Variants in ARHGEF7 observed in about 807,000 individuals in gnomAD.
ARHGEF7 encodes PAK-interacting exchange factor beta.
A neutral mutation model predicts 109.8 loss-of-function variants in ARHGEF7; 33 were observed. The observed-to-expected ratio is 0.30, with a 90% CI of 0.23 to 0.40. The LOEUF (loss-of-function observed/expected upper bound fraction) is 0.40. Among genes scored for constraint, ARHGEF7 ranks in the 10% least tolerant of loss-of-function variants. ARHGEF7 has a pLI of 1.00. For synonymous variants in ARHGEF7, 458 were observed against 424.6 expected (o/e 1.08, Z -0.97); for missense variants, 938 against 1,098.5 (o/e 0.85, Z 2.07).
At chr13:111,265,070 G>T (rs1282093321) in intron 8 of ARHGEF7, among the ~76,000 whole-genome samples, 1 of 143,378 alleles carries the variant, frequency 7.0e-6, no homozygotes, top group Non-Finnish European at 1.5e-5. Context: ...GTTGCAGTGA[G>T]CTGAGATGGT....
chr13:111,271,814 G>A (rs755038721), intron 9 of ARHGEF7, among the ~76,000 whole-genome samples: 1 of 152,192 alleles, frequency 6.6e-6, no homozygotes, highest in Non-Finnish European at 1.5e-5. Context: ...TTTTTTACAA[G>A]TGGATATATG....
At chr13:111,223,639 C>T (rs1407016580) in intron 5 of ARHGEF7, among the ~76,000 whole-genome samples, 1 of 152,122 alleles carries the variant, frequency 6.6e-6, no homozygotes, top group Non-Finnish European at 1.5e-5. Context: ...TGCTTTTAAC[C>T]TGTGGTGTAG....
chr13:111,191,472 G>A (rs1846822352), intron 2 of ARHGEF7, among the ~76,000 whole-genome samples: 1 of 152,178 alleles, frequency 6.6e-6, no homozygotes, highest in Non-Finnish European at 1.5e-5. Context: ...TCAGAGATGG[G>A]GAAGTTGGCT....
intron 1 of ARHGEF7, among the ~76,000 whole-genome samples, chr13:111,121,699 A>C (rs1416928798): frequency 6.6e-6 from 1 of 152,196 alleles, no homozygotes; most frequent in Admixed American, 6.5e-5. Context: ...GCATCCCCCG[A>C]ACCCACGGGT....
chr13:111,130,059 C>T (rs1838777205), intron 1 of ARHGEF7, among the ~76,000 whole-genome samples: 1 of 152,140 alleles, frequency 6.6e-6, no homozygotes, highest in Non-Finnish European at 1.5e-5. Context: ...AAGGAATATT[C>T]CATGACATGG....
intron 1 of ARHGEF7, chr13:111,153,668 T>G (rs2076041347): frequency 2.4e-6 from 3 of 1,243,578 alleles, no homozygotes; most frequent in African/African-American, 3.2e-5. Context: ...CGGGGCTCAC[T>G]TCCTGGTGCG....
At chr13:111,217,044 G>A (rs1314371274) in intron 4 of ARHGEF7, among the ~76,000 whole-genome samples, 1 of 152,234 alleles carries the variant, frequency 6.6e-6, no homozygotes, top group African/African-American at 2.4e-5. Flanking sequence ...CTGTTGCTGG[G>A]GATGTTGCTT....
intron 4 of ARHGEF7, among the ~76,000 whole-genome samples, chr13:111,214,108 C>T (rs1173292593): frequency 2.6e-5 from 4 of 152,212 alleles, no homozygotes; most frequent in Admixed American, 6.5e-5. Context: ...CCTTGGATTC[C>T]CCGCTCTCTT....
intron 1 of ARHGEF7, among the ~76,000 whole-genome samples, chr13:111,133,783 AT>A (rs1566606635): frequency 0.015 from 1,111 of 75,410 alleles, 105 homozygotes; most frequent in African/African-American, 0.045. Context: ...ATATATATAT[AT>A]ATATATATAT....
intron 6 of ARHGEF7, among the ~76,000 whole-genome samples, chr13:111,241,688 C>T (rs2087810861): frequency 6.6e-6 from 1 of 152,152 alleles, no homozygotes; most frequent in Admixed American, 6.5e-5. Flanking sequence ...TTTTATTCTT[C>T]TCATATTCGT....
chr13:111,283,219 G>T lies in ARHGEF7; in HGVS notation c.1806G>T (p.Leu602=). The part of the protein sequence containing the change: ...PAPLTPAYHT[L]PHPSHHGTPH... ...CGCTGACGCCCGCCTACCACACGCT[G>T]CCCCACCCCTCCCACCACGGCACCC... is the stretch of plus-strand genomic sequence containing the variant. Residue 602 remains leucine, a synonymous_variant, in exon 16 of 22, where the codon CTG becomes CTT. Transcript: ENST00000646102. 1 of 1,595,186 alleles carries T rather than the reference G, an allele frequency of 6.3e-7. No individual in the cohort carries two copies. Among genetic ancestry groups the T allele is most frequent in the Non-Finnish European group, 8.5e-7 (1 of 1,172,552 alleles).
chr13:111,229,861 A>G (rs2085790875), intron 5 of ARHGEF7, among the ~76,000 whole-genome samples: 2 of 152,198 alleles, frequency 1.3e-5, no homozygotes, highest in Non-Finnish European at 2.9e-5. Context: ...GGTTTCTTCT[A>G]GGCTGTGCCC....
chr13:111,278,085 C>T (rs1316825897), intron 13 of ARHGEF7, among the ~76,000 whole-genome samples: 2 of 152,176 alleles, frequency 1.3e-5, no homozygotes, highest in Non-Finnish European at 2.9e-5. Context: ...CGCCCAAATG[C>T]ATCAGCAAAC....
At chr13:111,201,297 C>A (rs1057345724) in intron 2 of ARHGEF7, among the ~76,000 whole-genome samples, 1 of 152,198 alleles carries the variant, frequency 6.6e-6, no homozygotes, top group Non-Finnish European at 1.5e-5. Context: ...TTATATATGG[C>A]CTGTGTATTT....
intron 19 of ARHGEF7, among the ~76,000 whole-genome samples, chr13:111,295,470 T>C (rs2093407395): frequency 6.6e-6 from 1 of 152,270 alleles, no homozygotes; most frequent in Non-Finnish European, 1.5e-5. Flanking sequence ...AAAGAAGCAT[T>C]ATTTTTTGTG....
In ARHGEF7 at chr13:111,217,774, C is replaced by T. The variant is rs756748260; in HGVS notation, c.564C>T (p.Asp188=). 29 of 1,614,092 alleles carry T rather than the reference C, an allele frequency of 1.8e-5. No individual in the cohort carries two copies. Among genetic ancestry groups the T allele is most frequent in the South Asian group, 6.6e-5 (6 of 91,088 alleles). The change falls in exon 5 of 22, where the codon GAC becomes GAT. Residue 188 remains aspartate (D), a synonymous_variant. Transcript: ENST00000646102. Reference sequence around the variant, plus strand: ...ACGAGCTTTCCTTCTCAAAAGGAGACGTCATCCATGTCACCCGTGTGGAAG... The same window carrying T: ...ACGAGCTTTCCTTCTCAAAAGGAGATGTCATCCATGTCACCCGTGTGGAAG... ...NEDELSFSKG[D]VIHVTRVEEG...
chr13:111,123,106 C>T (rs554873956), intron 1 of ARHGEF7, among the ~76,000 whole-genome samples: 3 of 152,230 alleles, frequency 2.0e-5, no homozygotes, highest in Non-Finnish European at 4.4e-5. Context: ...TAGGAGTCTG[C>T]TTCCTCACTT....
intron 2 of ARHGEF7, among the ~76,000 whole-genome samples, chr13:111,189,139 C>T (rs1382579260): frequency 6.6e-6 from 1 of 152,250 alleles, no homozygotes; most frequent in African/African-American, 2.4e-5. Flanking sequence ...CACCTGAAGG[C>T]TTCCAAGGCT....
intron 1 of ARHGEF7, among the ~76,000 whole-genome samples, chr13:111,121,134 C>T (rs1309825216): frequency 6.6e-6 from 1 of 152,144 alleles, no homozygotes; most frequent in East Asian, 1.9e-4. Flanking sequence ...GGAGCCACTG[C>T]AGGTGTCTCA....
Sources: allele counts gnomAD v4.1 joint callset (sites outside exome capture counted in the v4.1 genomes callset), GRCh38; gene constraint gnomAD v4.1.1; transcripts MANE v1.5; gene names NCBI Gene and HGNC (gene_info 2026-07-23, HGNC 2026-07-21).